The following GRIK3 variants were observed in gnomAD, a reference collection of about 807,000 sequenced individuals.
GRIK3 encodes glutamate ionotropic receptor kainate type subunit 3.
GRIK3 carries 29 observed loss-of-function variants against 102.5 expected under a neutral mutation model. That is an observed-to-expected ratio of 0.28 (90% confidence interval 0.21 to 0.39). The LOEUF is 0.39. Ranked by LOEUF, GRIK3 falls within the 10% of genes least tolerant of loss-of-function variation. GRIK3 has a pLI of 1.00. For missense variants in GRIK3, 908 were observed against 1,252.4 expected (o/e 0.73, Z 4.15); for synonymous variants, 511 against 504.9 (o/e 1.01, Z -0.16).
Position 36,872,070 on chromosome 1 carries a change from G to T in GRIK3, c.732+118C>A. ...ACCCAAGGTCACACAGCAGGAAAGT[G>T]GCAGAGCTAGGAGTCAAACTTAGAT... On this transcript the variant is annotated intron_variant, in intron 4 of 15. Transcript: ENST00000373091. This position sits in a 1 kb window ranked among gnomAD's most constrained non-coding sequence, Gnocchi z 5.9. 1.1e-6 allele frequency: 1 copy of T among 944,970 alleles called. No homozygotes were observed. The highest frequency in any genetic ancestry group is 1.5e-6 in the Non-Finnish European group (1 of 647,888). The allele number at this position is 944,970 out of a possible 1,614,324, so 58.5% of individuals were successfully genotyped here. A position where few individuals can be genotyped will look rare whatever the true frequency, so the allele number is the denominator to read the frequency against.
At chr1:36,809,069 G>A (rs1215181857) in intron 13 of GRIK3, among the ~76,000 whole-genome samples, 1 of 152,010 alleles carries the variant, frequency 6.6e-6, no homozygotes, top group African/African-American at 2.4e-5. Context: ...TCTACTACTA[G>A]AGGTGAGAAC....
At chr1:36,978,140 G>A (rs549704918) in intron 1 of GRIK3, among the ~76,000 whole-genome samples, 4 of 152,362 alleles carry the variant, frequency 2.6e-5, no homozygotes, top group African/African-American at 9.6e-5. Context: ...TTTCACCCTC[G>A]ATGTAACCTT....
chr1:37,003,463 G>T (rs1642500019), intron 1 of GRIK3, among the ~76,000 whole-genome samples: 1 of 152,192 alleles, frequency 6.6e-6, no homozygotes, highest in South Asian at 2.1e-4. Flanking sequence ...TCTTTCTTCA[G>T]CCTCCATGGT....
At chr1:36,945,256 T>A (rs1453308063) in intron 1 of GRIK3, among the ~76,000 whole-genome samples, 2 of 152,250 alleles carry the variant, frequency 1.3e-5, no homozygotes, top group African/African-American at 4.8e-5. Context: ...AACAGTGGAA[T>A]CACAGCAACT....
rs575712620 is a variant in GRIK3 at position 36,810,905 on chromosome 1, C to T, written c.2092-4579G>A. 3.9e-5 allele frequency among the ~76,000 whole-genome samples: 6 copies of T among 152,328 alleles called. No homozygotes were observed. The East Asian group carries it at 1.2e-3, about 29-fold the overall frequency. ...CTCCCCCCATCCCGGCAGCACATGC[C>T]TGAGGCTTGCTTGTGGGGGGCTACA... On this transcript the variant is annotated intron_variant, in intron 13 of 15. Coordinates refer to ENST00000373091, the MANE Select transcript of GRIK3 (RefSeq NM_000831.4).
At chr1:36,830,173 G>A (rs1308412129) in intron 10 of GRIK3, among the ~76,000 whole-genome samples, 1 of 152,196 alleles carries the variant, frequency 6.6e-6, no homozygotes, top group Non-Finnish European at 1.5e-5. Flanking sequence ...CATCTTCCCA[G>A]TATCCCCGCC....
At chr1:36,826,686 A>G (rs548156302) in intron 10 of GRIK3, among the ~76,000 whole-genome samples, 1 of 152,104 alleles carries the variant, frequency 6.6e-6, no homozygotes, top group South Asian at 2.1e-4. Context: ...AAAATAAAAA[A>G]AAAAAAAAAG....
intron 1 of GRIK3, among the ~76,000 whole-genome samples, chr1:37,006,013 A>C (rs950308099): frequency 3.3e-5 from 5 of 152,012 alleles, no homozygotes; most frequent in African/African-American, 1.2e-4. Flanking sequence ...CTAGCCTGAA[A>C]GGGGATAAGG....
At chr1:36,920,392 T>G (rs1368053053) in intron 1 of GRIK3, among the ~76,000 whole-genome samples, 5 of 152,096 alleles carry the variant, frequency 3.3e-5, no homozygotes, top group Admixed American at 2.0e-4. Flanking sequence ...TGGGTGTGCC[T>G]TACCTGCTCC....
chr1:37,012,726 T>G (rs867466956), intron 1 of GRIK3, among the ~76,000 whole-genome samples: 4 of 152,312 alleles, frequency 2.6e-5, no homozygotes, highest in Middle Eastern at 3.4e-3. Context: ...AGATGTGACT[T>G]CAAGACTTTC....
At chr1:37,033,031 G>T (rs1013904482) in intron 1 of GRIK3, among the ~76,000 whole-genome samples, 1 of 152,172 alleles carries the variant, frequency 6.6e-6, no homozygotes, top group Non-Finnish European at 1.5e-5. Context: ...GTCCGGCCTG[G>T]TGGCGGGCGC....
intron 8 of GRIK3, among the ~76,000 whole-genome samples, chr1:36,851,992 G>C (rs1403673970): frequency 6.6e-6 from 1 of 152,196 alleles, no homozygotes; most frequent in Non-Finnish European, 1.5e-5. Flanking sequence ...ACAGCTACTT[G>C]AGTGAATACT....
intron 2 of GRIK3, among the ~76,000 whole-genome samples, chr1:36,881,224 G>A (rs1203867852): frequency 6.6e-6 from 1 of 152,108 alleles, no homozygotes; most frequent in Non-Finnish European, 1.5e-5. Flanking sequence ...CACCATCTCT[G>A]TGCCAGGTTC....
chr1:36,831,813 T>C (rs957187583), intron 10 of GRIK3, among the ~76,000 whole-genome samples: 1 of 152,230 alleles, frequency 6.6e-6, no homozygotes, highest in Admixed American at 6.5e-5. Context: ...CCCGTGTGGC[T>C]GGTGGCTGCC....
intron 1 of GRIK3, among the ~76,000 whole-genome samples, chr1:36,945,541 A>G (rs60393839): frequency 0.07 from 10,588 of 152,234 alleles, 1,168 homozygotes; most frequent in African/African-American, 0.23. Context: ...CCTTCCTGCC[A>G]ACAGATGGAA....
chr1:36,938,392 C>G (rs550239483), intron 1 of GRIK3, among the ~76,000 whole-genome samples: 4 of 152,192 alleles, frequency 2.6e-5, no homozygotes, highest in Non-Finnish European at 5.9e-5. Context: ...GTTGAATGAC[C>G]ACATAGCAGG....
At chr1:36,997,377 G>A (rs1242427701) in intron 1 of GRIK3, among the ~76,000 whole-genome samples, 1 of 152,212 alleles carries the variant, frequency 6.6e-6, no homozygotes, top group Admixed American at 6.5e-5. Flanking sequence ...AACACCTGGG[G>A]ATTATTAGAA....
intron 1 of GRIK3, among the ~76,000 whole-genome samples, chr1:36,909,773 G>C (rs1282649843): frequency 6.6e-6 from 1 of 152,148 alleles, no homozygotes; most frequent in Non-Finnish European, 1.5e-5. Flanking sequence ...TTGGGGAGGA[G>C]GGGTAGAACT....
chr1:36,938,255 C>T (rs1641681029), intron 1 of GRIK3, among the ~76,000 whole-genome samples: 1 of 152,166 alleles, frequency 6.6e-6, no homozygotes, highest in Admixed American at 6.5e-5. Context: ...CAGGTGACTC[C>T]AACCCAGACC....
Sources: allele counts gnomAD v4.1 joint callset (sites outside exome capture counted in the v4.1 genomes callset), GRCh38; gene constraint gnomAD v4.1.1; non-coding constraint Gnocchi (gnomAD v3.1); transcripts MANE v1.5; gene names NCBI Gene and HGNC (gene_info 2026-07-23, HGNC 2026-07-21).